LUC7L2: variants seen among roughly 807,000 people sequenced by gnomAD.
LUC7L2 encodes the protein putative RNA-binding protein Luc7-like 2.
In LUC7L2, 25 loss-of-function variants were observed where a neutral mutation model predicts 52.8. That is an observed-to-expected ratio of 0.47 (90% CI 0.34 to 0.66). The LOEUF (loss-of-function observed/expected upper bound fraction) is 0.66, where lower values mean the gene tolerates loss of function less well. Among genes scored for constraint, LUC7L2 ranks in the 30% least tolerant of loss-of-function variants. The pLI, the probability that LUC7L2 is intolerant of heterozygous loss-of-function variation, is 0.01. For synonymous variants in LUC7L2, 144 were observed against 160.9 expected (o/e 0.89, Z 0.80); for missense variants, 328 against 497.8 (o/e 0.66, Z 3.25).
intron 2 of LUC7L2, among the ~76,000 whole-genome samples, chr7:139,396,414 G>A (rs1585113493): frequency 6.6e-6 from 1 of 152,238 alleles, no homozygotes; most frequent in African/African-American, 2.4e-5. Context: ...CTACACTCCA[G>A]CCTAGGTGAC....
intron 5 of LUC7L2, among the ~76,000 whole-genome samples, chr7:139,406,660 T>G (rs886469843): frequency 6.6e-6 from 1 of 152,106 alleles, no homozygotes; most frequent in Non-Finnish European, 1.5e-5. Flanking sequence ...GGCCTGTTTT[T>G]TTGTTGTTGT....
intron 1 of LUC7L2, among the ~76,000 whole-genome samples, chr7:139,350,898 A>AT (rs1393127313): frequency 6.6e-6 from 1 of 151,632 alleles, no homozygotes; most frequent in African/African-American, 2.4e-5. Context: ...CTGGTCTCCG[A>AT]CTACTGACCT....
In LUC7L2 at chr7:139,422,377, ACG is replaced by A. The variant is rs1795944801; in HGVS notation, c.*38_*39del. ...CATTTCTTCAGTCCTTAAGCTTCCT[ACG>A]GAGTTACGTACTATTGTTTAGTTCA... On this transcript the variant is annotated 3_prime_UTR_variant, in exon 10 of 10. Coordinates refer to ENST00000354926, the MANE Select transcript of LUC7L2 (RefSeq NM_016019.5). The A allele has an allele frequency of 6.3e-7, 1 of 1,577,950 alleles. No individual in the cohort carries two copies. The highest frequency in any genetic ancestry group is 1.4e-5 in the African/African-American group (1 of 73,598).
At chr7:139,371,525 C>A in intron 1 of LUC7L2, 2 of 886,996 alleles carry the variant, frequency 2.3e-6, no homozygotes, top group Non-Finnish European at 3.2e-6. Flanking sequence ...GATTTGGTTT[C>A]TTGTTTGTAT....
intron 1 of LUC7L2, among the ~76,000 whole-genome samples, chr7:139,366,230 T>C (rs888719532): frequency 1.3e-5 from 2 of 152,266 alleles, no homozygotes; most frequent in Non-Finnish European, 2.9e-5. Flanking sequence ...GTGAACCATG[T>C]ACAACTGATG....
At chr7:139,395,400 T>C (rs1481786895) in intron 2 of LUC7L2, among the ~76,000 whole-genome samples, 1 of 152,178 alleles carries the variant, frequency 6.6e-6, no homozygotes, top group Non-Finnish European at 1.5e-5. Flanking sequence ...ACTGAAAAAC[T>C]CCTTAGCTTG....
chr7:139,374,246 T>C (rs948245517), intron 1 of LUC7L2, among the ~76,000 whole-genome samples: 4 of 152,206 alleles, frequency 2.6e-5, no homozygotes, highest in African/African-American at 9.6e-5. Flanking sequence ...TAAGTCAGTA[T>C]TTAAAAAAAT....
intron 1 of LUC7L2, chr7:139,345,707 A>G (rs112686545): frequency 1.9e-6 from 3 of 1,613,804 alleles, no homozygotes; most frequent in Non-Finnish European, 2.5e-6. Flanking sequence ...AGCCATGAAC[A>G]TGGAGAATAT....
At chr7:139,390,312 G>A (rs1276844502) in intron 2 of LUC7L2, among the ~76,000 whole-genome samples, 2 of 151,196 alleles carry the variant, frequency 1.3e-5, no homozygotes, top group South Asian at 4.2e-4. Context: ...CCAGGCTGGA[G>A]TGCAGTGGCG....
At chr7:139,362,059 G>A (rs1799912445) in intron 1 of LUC7L2, among the ~76,000 whole-genome samples, 1 of 151,780 alleles carries the variant, frequency 6.6e-6, no homozygotes, top group African/African-American at 2.4e-5. Context: ...CAGAAACATG[G>A]ATTTCTTAAA....
In LUC7L2 at chr7:139,409,313, C is replaced by CA. The variant is rs529185746; in HGVS notation, c.688-239dup. Among the ~76,000 whole-genome samples the CA allele has an allele frequency of 6.4e-3, 767 of 119,542 alleles. 8 individuals are homozygous for CA. The highest frequency in any genetic ancestry group is 0.052 in the East Asian group (223 of 4,276). 78.4% of individuals were successfully genotyped at this position (119,542 alleles called of 152,430 possible). On this transcript the variant is annotated intron_variant, in intron 6 of 9. Transcript: ENST00000354926. ...ATTTGTTTTCACTTAAAAAAAAAAA[C>CA]AAAAAAAAAAACCAAGTAGAAATCA...
At chr7:139,420,277 C>T (rs1412966225) in intron 9 of LUC7L2, among the ~76,000 whole-genome samples, 1 of 152,158 alleles carries the variant, frequency 6.6e-6, no homozygotes, top group Non-Finnish European at 1.5e-5. Flanking sequence ...GATCTCGGCT[C>T]GTTGCAACCT....
At chr7:139,374,707 T>C in intron 1 of LUC7L2, 3 of 1,324,478 alleles carry the variant, frequency 2.3e-6, no homozygotes, top group Non-Finnish European at 2.9e-6. Context: ...TAAAATTTTA[T>C]ATACCCTGGT....
Position 139,412,670 on chromosome 7 carries a change from T to A in LUC7L2, c.809+90T>A, listed in dbSNP as rs1795412518. ...GATTGATTAAATGGTCCTTTAAAAA[T>A]TTTCTTTTTTGGCTGGGCACGGTGA... On this transcript the variant is annotated intron_variant, in intron 8 of 9. Coordinates refer to ENST00000354926, the MANE Select transcript of LUC7L2 (RefSeq NM_016019.5). 3.3e-6 allele frequency: 5 copies of A among 1,504,722 alleles called. No homozygotes were observed. In the South Asian group the frequency reaches 5.1e-5, roughly 15 times the overall value. 93.2% of individuals were successfully genotyped at this position (1,504,722 alleles called of 1,614,324 possible).
At chr7:139,407,753 A>G (rs982441778) in intron 6 of LUC7L2, among the ~76,000 whole-genome samples, 4 of 152,182 alleles carry the variant, frequency 2.6e-5, no homozygotes, top group African/African-American at 9.7e-5. Flanking sequence ...ATTAAATAGC[A>G]AGCTTGCAGA....
intron 1 of LUC7L2, among the ~76,000 whole-genome samples, chr7:139,343,500 C>G (rs1332887629): frequency 6.6e-6 from 1 of 151,916 alleles, no homozygotes; most frequent in Non-Finnish European, 1.5e-5. Flanking sequence ...CACTTGAGCC[C>G]AAGAAGTCGA....
chr7:139,380,431 C>A (rs752191231), intron 2 of LUC7L2, among the ~76,000 whole-genome samples: 1 of 151,764 alleles, frequency 6.6e-6, no homozygotes, highest in Non-Finnish European at 1.5e-5. Context: ...AATCCTGTCT[C>A]TGCTAAAAAT....
At chr7:139,354,589 T>A (rs1379697922) in intron 1 of LUC7L2, among the ~76,000 whole-genome samples, 1 of 152,166 alleles carries the variant, frequency 6.6e-6, no homozygotes, top group Non-Finnish European at 1.5e-5. Flanking sequence ...CTCGAACTCC[T>A]CACCTCAAGT....
At chr7:139,356,669 T>G (rs1171251535), upstream of LUC7L2, among the ~76,000 whole-genome samples, 1 of 150,338 alleles carries the variant, frequency 6.7e-6, no homozygotes, top group Non-Finnish European at 1.5e-5. Context: ...GGCCACACAG[T>G]ATGGGATCCC....
Sources: allele counts gnomAD v4.1 joint callset (sites outside exome capture counted in the v4.1 genomes callset), GRCh38; gene constraint gnomAD v4.1.1; transcripts MANE v1.5; gene names NCBI Gene and HGNC (gene_info 2026-07-23, HGNC 2026-07-21).